The following SAMTOR variants were observed in gnomAD, a reference collection of about 807,000 sequenced individuals.
The protein encoded by SAMTOR is S-adenosylmethionine sensor upstream of mTORC1, also known as UPF0532 protein C7orf60.
At chr7:112,908,576 T>C in the SAMTOR span, among the ~76,000 whole-genome samples, 1 of 152,102 alleles carries the variant, frequency 6.6e-6, no homozygotes, top group Non-Finnish European at 1.5e-5. Flanking sequence ...CAATACCAAA[T>C]ACAGTAATTC....
chr7:112,881,939 A>C, the SAMTOR span, among the ~76,000 whole-genome samples: 1 of 152,230 alleles, frequency 6.6e-6, no homozygotes, highest in Non-Finnish European at 1.5e-5. Context: ...ACAAGGAGAG[A>C]AGAGCTGCGG....
At chr7:112,891,211 T>C in the SAMTOR span, among the ~76,000 whole-genome samples, 1 of 152,234 alleles carries the variant, frequency 6.6e-6, no homozygotes, top group African/African-American at 2.4e-5. Flanking sequence ...TATTTAAGAA[T>C]GTCCATAACA....
At chr7:112,908,068 T>C in the SAMTOR span, among the ~76,000 whole-genome samples, 1 of 152,196 alleles carries the variant, frequency 6.6e-6, no homozygotes, top group South Asian at 2.1e-4. Context: ...TAGCAAAAGC[T>C]TGTAAACAAG....
chr7:112,866,968 C>T, the SAMTOR span, among the ~76,000 whole-genome samples: 1 of 152,120 alleles, frequency 6.6e-6, no homozygotes, highest in East Asian at 1.9e-4. Flanking sequence ...ACATTAAATA[C>T]CAGATGAAGG....
At chr7:112,825,210 A>C in the SAMTOR span, among the ~76,000 whole-genome samples, 1 of 150,870 alleles carries the variant, frequency 6.6e-6, no homozygotes, top group South Asian at 2.1e-4. Flanking sequence ...TTTTTTTTGT[A>C]GAGACAGGTT....
At chr7:112,902,416 C>CAAAAAAAAAAAAAAAAAAAAAAA in the SAMTOR span, among the ~76,000 whole-genome samples, 8 of 12,320 alleles carry the variant, frequency 6.5e-4, no homozygotes, top group Admixed American at 3.2e-3. Context: ...AACTCCGTCT[C>CAAAAAAAAAAAAAAAAAAAAAAA]AAAAAAAAAA....
chr7:112,860,072 TATTTCTATGGTGCC>T, the SAMTOR span, among the ~76,000 whole-genome samples: 1 of 152,190 alleles, frequency 6.6e-6, no homozygotes, highest in African/African-American at 2.4e-5. Flanking sequence ...TTTATAATCA[TATTTCTATGGTGCC>T]TTTTCTATGT....
chr7:112,925,376 G>T, the SAMTOR span, among the ~76,000 whole-genome samples: 1 of 152,130 alleles, frequency 6.6e-6, no homozygotes, highest in African/African-American at 2.4e-5. Context: ...ATACATAAAT[G>T]TATTATATGT....
the SAMTOR span, among the ~76,000 whole-genome samples, chr7:112,919,617 A>G: frequency 6.6e-6 from 1 of 152,206 alleles, no homozygotes; most frequent in Non-Finnish European, 1.5e-5. Context: ...ACTGAAGAAA[A>G]TAGAGACACA....
the SAMTOR span, among the ~76,000 whole-genome samples, chr7:112,870,988 T>C: frequency 6.6e-6 from 1 of 152,188 alleles, no homozygotes; most frequent in South Asian, 2.1e-4. Flanking sequence ...TGAACTACCC[T>C]AAATAATATA....
At chr7:112,865,975 A>C in the SAMTOR span, among the ~76,000 whole-genome samples, 1 of 151,618 alleles carries the variant, frequency 6.6e-6, no homozygotes, top group Non-Finnish European at 1.5e-5. Context: ...AAAATACCTA[A>C]AAAACTCATG....
At chr7:112,882,664 GC>G in the SAMTOR span, among the ~76,000 whole-genome samples, 1 of 151,164 alleles carries the variant, frequency 6.6e-6, no homozygotes, top group Non-Finnish European at 1.5e-5. Context: ...ACTCCAGCCT[GC>G]CAACAGAGCA....
chr7:112,846,713 C>T, the SAMTOR span, among the ~76,000 whole-genome samples: 1 of 152,166 alleles, frequency 6.6e-6, no homozygotes, highest in Non-Finnish European at 1.5e-5. Context: ...AGTACACCAG[C>T]ATTTTCACTG....
the SAMTOR span, chr7:112,832,567 A>G: frequency 5.4e-5 from 85 of 1,574,462 alleles, no homozygotes; most frequent in South Asian, 8.8e-4. Flanking sequence ...ATACCTCTAC[A>G]GCAGGTACAA....
chr7:112,837,187 T>C, the SAMTOR span, among the ~76,000 whole-genome samples: 1 of 152,118 alleles, frequency 6.6e-6, no homozygotes, highest in Non-Finnish European at 1.5e-5. Context: ...TATTTTATTC[T>C]TTTTGTGGCA....
chr7:112,922,838 C>CAG, the SAMTOR span, among the ~76,000 whole-genome samples: 5 of 146,196 alleles, frequency 3.4e-5, no homozygotes, highest in Non-Finnish European at 7.5e-5. Context: ...GGTGGGGGGT[C>CAG]AGACCCCCGC....
the SAMTOR span, among the ~76,000 whole-genome samples, chr7:112,887,995 C>G: frequency 3.5e-4 from 54 of 152,134 alleles, no homozygotes; most frequent in African/African-American, 1.3e-3. Flanking sequence ...TTTGCTCTTA[C>G]TTTTCTAGTT....
the SAMTOR span, among the ~76,000 whole-genome samples, chr7:112,902,721 T>C: frequency 6.6e-6 from 1 of 152,090 alleles, no homozygotes; most frequent in African/African-American, 2.4e-5. Flanking sequence ...AGGCTATGCA[T>C]GTTTGGGATG....
chr7:112,885,693 T>A, the SAMTOR span, among the ~76,000 whole-genome samples: 1 of 152,318 alleles, frequency 6.6e-6, no homozygotes, highest in African/African-American at 2.4e-5. Flanking sequence ...CTTTCCCACA[T>A]CTTCCTATCT....
Sources: gnomAD v4.1 joint callset for allele counts (sites outside exome capture counted in the v4.1 genomes callset) on GRCh38, gnomAD v4.1.1 for gene constraint, MANE v1.5 for transcripts, NCBI Gene and HGNC (gene_info 2026-07-23, HGNC 2026-07-21) for gene names.